Variants in RREB1 observed in about 807,000 individuals in gnomAD.
RREB1 encodes ras responsive element binding protein 1.
RREB1 carries 27 observed loss-of-function variants against 117.8 expected under a neutral mutation model. The observed-to-expected ratio is 0.23, with a 90% CI of 0.17 to 0.32. The LOEUF (loss-of-function observed/expected upper bound fraction) is 0.32. Ranked by LOEUF, RREB1 falls within the 10% of genes least tolerant of loss-of-function variation. The pLI is 1.00. For synonymous variants in RREB1, 1,298 were observed against 1,026.7 expected, an observed-to-expected ratio of 1.26 and a Z score of -5.05; for missense variants, 2,577 against 2,378.2, an observed-to-expected ratio of 1.08 and a Z score of -1.74.
At chr6:7,234,537 A>G (rs1768198615) in intron 10 of RREB1, among the ~76,000 whole-genome samples, 1 of 152,262 alleles carries the variant, frequency 6.6e-6, no homozygotes, top group African/African-American at 2.4e-5. Flanking sequence ...TTTAAAATTT[A>G]GTAGCATCTG....
At chr6:7,203,981 A>G (rs1484884622) in intron 6 of RREB1, among the ~76,000 whole-genome samples, 1 of 152,162 alleles carries the variant, frequency 6.6e-6, no homozygotes, top group African/African-American at 2.4e-5. Flanking sequence ...TGGTGGCTGC[A>G]GTGTCCGGTG....
chr6:7,164,518 C>G (rs1237685060), intron 1 of RREB1, among the ~76,000 whole-genome samples: 1 of 152,176 alleles, frequency 6.6e-6, no homozygotes, highest in East Asian at 1.9e-4. Context: ...GAACTCCTAC[C>G]CTTGTATGGC....
intron 1 of RREB1, among the ~76,000 whole-genome samples, chr6:7,147,909 T>C (rs1189725154): frequency 4.6e-5 from 7 of 152,178 alleles, no homozygotes; most frequent in Admixed American, 4.6e-4. Flanking sequence ...CAAACTATTA[T>C]TGGCTTGGTA....
chr6:7,249,405 C>T lies in RREB1; in HGVS notation c.*437C>T. 6.1e-6 allele frequency: 1 copy of T among 164,512 alleles called. No individual in the cohort carries two copies. The highest frequency in any genetic ancestry group is 1.3e-5 in the Non-Finnish European group (1 of 76,444). 10.2% of individuals were successfully genotyped at this position (164,512 alleles called of 1,614,324 possible). ...TGGAAACAGAAGGAAAAAACATACC[C>T]TTGGGTACCCATAGCCAATAACTGG... On this transcript the variant is annotated 3_prime_UTR_variant, in exon 13 of 13. Coordinates refer to ENST00000379938, the MANE Select transcript of RREB1 (RefSeq NM_001003699.4).
intron 6 of RREB1, among the ~76,000 whole-genome samples, chr6:7,207,101 C>T (rs550416820): frequency 8.1e-4 from 123 of 152,226 alleles, no homozygotes; most frequent in Admixed American, 8.5e-4. Context: ...GCAGAGGGGC[C>T]AGCTTAAGAT....
At chr6:7,121,851 G>A (rs1292936886) in intron 1 of RREB1, among the ~76,000 whole-genome samples, 4 of 152,162 alleles carry the variant, frequency 2.6e-5, no homozygotes, top group Non-Finnish European at 5.9e-5. Flanking sequence ...AGAAGCTGGA[G>A]TGCAGGTGTG....
intron 6 of RREB1, 64 bp downstream of exon 6, chr6:7,189,386 T>C: frequency 6.9e-7 from 1 of 1,457,264 alleles, no homozygotes; most frequent in Non-Finnish European, 9.3e-7. Context: ...GGCAGGACAG[T>C]GGCCTCTGAG....
chr6:7,117,340 G>A (rs1392386323), intron 1 of RREB1, among the ~76,000 whole-genome samples: 1 of 150,264 alleles, frequency 6.7e-6, no homozygotes, highest in Admixed American at 6.6e-5. Context: ...CAGGAAGATG[G>A]GGTGGGTGTT....
At chr6:7,218,936 A>C (rs982212736) in intron 8 of RREB1, 1 of 151,786 alleles carries the variant, frequency 6.6e-6, no homozygotes, top group Non-Finnish European at 1.5e-5. Flanking sequence ...TAGCACAGAC[A>C]GCCATTAATT....
chr6:7,135,938 C>T (rs1410791588), intron 1 of RREB1, among the ~76,000 whole-genome samples: 5 of 152,080 alleles, frequency 3.3e-5, no homozygotes, highest in Non-Finnish European at 7.4e-5. Flanking sequence ...AATTACTGTC[C>T]TGTGGTGGAC....
chr6:7,111,025 C>T (rs959681479), intron 1 of RREB1, among the ~76,000 whole-genome samples: 1 of 152,146 alleles, frequency 6.6e-6, no homozygotes, highest in African/African-American at 2.4e-5. Flanking sequence ...AACAAGCGAC[C>T]TTTTGATTGA....
At chr6:7,188,248 TGTGTGCGC>T (rs1225818677) in intron 5 of RREB1, among the ~76,000 whole-genome samples, 4 of 145,420 alleles carry the variant, frequency 2.8e-5, no homozygotes, top group African/African-American at 1.0e-4. Flanking sequence ...TGTGTGTGTG[TGTGTGCGC>T]GCGCGCACGT....
Position 7,230,358 on chromosome 6 carries a change from C to G in RREB1, c.2259C>G (p.Thr753=). 1 of 1,591,634 alleles carries G rather than the reference C, an allele frequency of 6.3e-7. No individual in the cohort carries two copies. The highest frequency in any genetic ancestry group is 1.1e-5 in the South Asian group (1 of 90,368). The change falls in exon 10 of 13, where the codon ACC becomes ACG. Residue 753 remains threonine, a synonymous_variant. Coordinates refer to ENST00000379938, the MANE Select transcript of RREB1 (RefSeq NM_001003699.4). ...TGGACGCCTTCTGCGCCCCGGACAC[C>G]GTGTGCCGGCTGTGCGGCGAGGACC... The part of the protein sequence containing the change: ...ELVDAFCAPD[T]VCRLCGEDLK...
In RREB1 at chr6:7,210,912, C is replaced by A. The variant is rs748889560; in HGVS notation, c.534C>A (p.Ala178=). Reference sequence around the variant, plus strand: ...CCAAGAGGAAACTGAGTCACGATGCCGAGTCAGAGAGAGAAGACCCAGCAC... The same window carrying A: ...CCAAGAGGAAACTGAGTCACGATGCAGAGTCAGAGAGAGAAGACCCAGCAC... ...LSSKRKLSHD[A]ESEREDPAPA... Residue 178 remains alanine (A), a synonymous_variant, in exon 7 of 13, where the codon GCC becomes GCA. Coordinates refer to ENST00000379938, the MANE Select transcript of RREB1 (RefSeq NM_001003699.4). 6.2e-7 allele frequency: 1 copy of A among 1,614,090 alleles called. No homozygotes were observed. The highest frequency in any genetic ancestry group is 1.1e-5 in the South Asian group (1 of 91,072).
At chr6:7,207,897 T>C (rs1325595155) in intron 6 of RREB1, among the ~76,000 whole-genome samples, 1 of 152,204 alleles carries the variant, frequency 6.6e-6, no homozygotes, top group South Asian at 2.1e-4. Flanking sequence ...TCTGACTCAA[T>C]GTGAGGGAGA....
chr6:7,126,147 G>A (rs368055916), intron 1 of RREB1, among the ~76,000 whole-genome samples: 6 of 151,106 alleles, frequency 4.0e-5, no homozygotes, highest in African/African-American at 4.9e-5. Context: ...GATTACAGGT[G>A]CGCACCACCA....
intron 11 of RREB1, among the ~76,000 whole-genome samples, chr6:7,242,453 G>A (rs1041694438): frequency 2.6e-5 from 4 of 152,220 alleles, no homozygotes; most frequent in Non-Finnish European, 5.9e-5. Flanking sequence ...GTCACTGAAA[G>A]TTGTAATGTG....
At position 7,246,514 on chromosome 6, in the gene RREB1, C is replaced by T. The variant is rs903491568; in HGVS notation, c.4064C>T (p.Thr1355Ile). 4 of 1,546,190 alleles carry T rather than the reference C, an allele frequency of 2.6e-6. No individual in the cohort carries two copies. The highest frequency in any genetic ancestry group is 3.5e-6 in the Non-Finnish European group (4 of 1,145,604). ...AGAGAGCAGCCGTCGGAGGGCGCCA[C>T]TGAGCTCCGCCAGGTCGCAGGGGAT... ...RDREQPSEGA[T>I]ELRQVAGDAP... Residue 1355 changes from threonine (T) to isoleucine (I), a missense_variant, in exon 12 of 13, where the codon ACT becomes ATT. Coordinates refer to ENST00000379938, the MANE Select transcript of RREB1 (RefSeq NM_001003699.4).
At chr6:7,179,228 A>T (rs1764662571) in intron 2 of RREB1, among the ~76,000 whole-genome samples, 1 of 152,040 alleles carries the variant, frequency 6.6e-6, no homozygotes, top group South Asian at 2.1e-4. Flanking sequence ...GCAAACTCTA[A>T]CTCTACCACA....
Sources: allele counts gnomAD v4.1 joint callset (sites outside exome capture counted in the v4.1 genomes callset), GRCh38; gene constraint gnomAD v4.1.1; transcripts MANE v1.5; gene names NCBI Gene and HGNC (gene_info 2026-07-23, HGNC 2026-07-21).